Variants in GFPT2 observed in about 807,000 individuals in gnomAD.
The protein encoded by GFPT2 is glutamine--fructose-6-phosphate aminotransferase [isomerizing] 2.
GFPT2 carries 62 observed loss-of-function variants against 85.6 expected under a neutral mutation model. That is an observed-to-expected ratio of 0.72 (90% confidence interval 0.59 to 0.90). The LOEUF is 0.90. Ranked by LOEUF, GFPT2 falls within the 40% of genes least tolerant of loss-of-function variation. GFPT2 has a pLI of 0.00. For missense variants in GFPT2, 788 were observed against 893.4 expected (o/e 0.88, Z 1.50); for synonymous variants, 368 against 344.5 (o/e 1.07, Z -0.75).
At chr5:180,306,868 G>A (rs1763791329) in intron 16 of GFPT2, among the ~76,000 whole-genome samples, 1 of 152,216 alleles carries the variant, frequency 6.6e-6, no homozygotes, top group East Asian at 1.9e-4. Flanking sequence ...TGAGGTCTGA[G>A]TGAGCTGTTC....
intron 1 of GFPT2, among the ~76,000 whole-genome samples, chr5:180,345,922 G>C (rs1183327366): frequency 6.6e-6 from 1 of 152,144 alleles, no homozygotes; most frequent in Non-Finnish European, 1.5e-5. Context: ...GGTGCCACCA[G>C]AACTCTCGGT....
intron 18 of GFPT2, among the ~76,000 whole-genome samples, 172 bp downstream of exon 18, chr5:180,302,251 C>T (rs1454627014): frequency 6.6e-6 from 1 of 150,796 alleles, no homozygotes; most frequent in South Asian, 2.1e-4. Flanking sequence ...TGTGCCACTG[C>T]CCTCCAGCCT....
At position 180,301,483 on chromosome 5, in the gene GFPT2, T is replaced by C; in HGVS notation, c.*81A>G. 8.5e-7 allele frequency: 1 copy of C among 1,182,584 alleles called. No homozygotes were observed. 73.3% of individuals were successfully genotyped at this position (1,182,584 alleles called of 1,614,324 possible). On this transcript the variant is annotated 3_prime_UTR_variant, in exon 19 of 19. Transcript: ENST00000253778. Reference sequence around the variant, plus strand: ...GCAGAACATGTGGGATGTCCACTTCTCTTCCCATGTAGCATCCCTGCTGTT... The same window carrying C: ...GCAGAACATGTGGGATGTCCACTTCCCTTCCCATGTAGCATCCCTGCTGTT...
In GFPT2 at chr5:180,331,538, T is replaced by C. The variant is rs776682446; in HGVS notation, c.356A>G (p.His119Arg). The C allele has an allele frequency of 1.9e-5, 30 of 1,585,720 alleles. No homozygotes were observed. The highest frequency in any genetic ancestry group is 2.5e-5 in the Non-Finnish European group (29 of 1,154,134). Residue 119 changes from histidine (H) to arginine (R), a missense_variant, in exon 5 of 19, where the codon CAC becomes CGC. Transcript: ENST00000253778. The stretch of plus-strand genomic sequence containing the variant: ...TTTGTAATTTGTGATGATCCCATTG[T>C]GGATGACAACAAATTCTGAAAGAAA... Reference protein sequence around the residue: ...SDKGNEFVVIHNGIITNYKDL... With the variant: ...SDKGNEFVVIRNGIITNYKDL...
intron 9 of GFPT2, among the ~76,000 whole-genome samples, chr5:180,322,260 G>A (rs79787874): frequency 0.011 from 1,614 of 151,262 alleles, 23 homozygotes; most frequent in African/African-American, 0.037. Flanking sequence ...GAGTTAGTTC[G>A]AGGACAGCCT....
intron 1 of GFPT2, chr5:180,352,510 A>G (rs2127659774): frequency 2.2e-6 from 1 of 446,672 alleles, no homozygotes; most frequent in South Asian, 1.6e-5. Context: ...ACAGCGCGGG[A>G]GCGCCGCGGG....
At chr5:180,315,604 C>T (rs887248687) in intron 13 of GFPT2, among the ~76,000 whole-genome samples, 1 of 152,074 alleles carries the variant, frequency 6.6e-6, no homozygotes, top group Admixed American at 6.5e-5. Flanking sequence ...TGAGTGTGTC[C>T]GACCGGCACA....
intron 15 of GFPT2, among the ~76,000 whole-genome samples, chr5:180,307,973 G>A (rs566567934): frequency 1.5e-4 from 23 of 151,486 alleles, no homozygotes; most frequent in African/African-American, 4.1e-4. Flanking sequence ...TTAGCCGGGC[G>A]TGGTTGGGTG....
intron 1 of GFPT2, among the ~76,000 whole-genome samples, chr5:180,345,812 G>C (rs959405606): frequency 6.6e-6 from 1 of 152,188 alleles, no homozygotes; most frequent in Non-Finnish European, 1.5e-5. Context: ...GCCACGTTCA[G>C]CCAAGCATAA....
chr5:180,335,505 C>G (rs1275467115), intron 4 of GFPT2, among the ~76,000 whole-genome samples: 3 of 152,234 alleles, frequency 2.0e-5, no homozygotes, highest in South Asian at 2.1e-4. Context: ...GAACAGTGCC[C>G]AGGCCCCTCA....
intron 16 of GFPT2, among the ~76,000 whole-genome samples, chr5:180,305,194 A>G (rs1359829505): frequency 1.3e-5 from 2 of 152,140 alleles, no homozygotes; most frequent in East Asian, 3.9e-4. Context: ...AGCCCCGGGC[A>G]CTGCTGTTGT....
chr5:180,301,833 T>A lies in GFPT2; in HGVS notation c.2005-225A>T, dbSNP rs377354051. 1.8e-3 allele frequency among the ~76,000 whole-genome samples: 270 copies of A among 152,222 alleles called. 1 individual carries two copies. The highest frequency in any genetic ancestry group is 2.7e-3 in the Non-Finnish European group (185 of 68,012). ...TTTACTGTGCACCTGATGTGTGTCA[T>A]GATCTGTTAACATGATTTAAAGAAT... is the stretch of plus-strand genomic sequence containing the variant. On this transcript the variant is annotated intron_variant, in intron 18 of 18. Coordinates refer to ENST00000253778, the MANE Select transcript of GFPT2 (RefSeq NM_005110.4).
At position 180,302,863 on chromosome 5, in the gene GFPT2, C is replaced by G. The variant is rs190440922; in HGVS notation, c.1843-279G>C. ...TGCCTTGCCGAGAGCGGGGCAGACTCACTCCTAACTCTAGCGGGGCTCATA... is the reference window on the plus strand; with the variant it reads ...TGCCTTGCCGAGAGCGGGGCAGACTGACTCCTAACTCTAGCGGGGCTCATA... On this transcript the variant is annotated intron_variant, in intron 17 of 18. Coordinates refer to ENST00000253778, the MANE Select transcript of GFPT2 (RefSeq NM_005110.4). 4.9e-4 allele frequency among the ~76,000 whole-genome samples: 74 copies of G among 152,296 alleles called. 1 individual carries two copies. Among genetic ancestry groups the G allele is most frequent in the African/African-American group, 2.4e-5 (1 of 41,568 alleles).
At chr5:180,341,490 T>C (rs1226691215) in intron 1 of GFPT2, among the ~76,000 whole-genome samples, 3 of 152,216 alleles carry the variant, frequency 2.0e-5, no homozygotes, top group Non-Finnish European at 2.9e-5. Flanking sequence ...TTAATTAATC[T>C]ATAAACAGTC....
chr5:180,315,368 C>CA (rs970470507), intron 13 of GFPT2, among the ~76,000 whole-genome samples: 1 of 152,048 alleles, frequency 6.6e-6, no homozygotes, highest in Admixed American at 6.5e-5. Context: ...TTAGTAGAGA[C>CA]GGGGTTTCAC....
intron 4 of GFPT2, among the ~76,000 whole-genome samples, chr5:180,332,815 T>C (rs1236240285): frequency 2.0e-5 from 3 of 152,138 alleles, no homozygotes; most frequent in South Asian, 4.1e-4. Flanking sequence ...GCTGGGATTA[T>C]AGGCTTGAGC....
At chr5:180,352,445 C>A in intron 1 of GFPT2, 1 of 453,722 alleles carries the variant, frequency 2.2e-6, no homozygotes. Flanking sequence ...TAAAGAATTG[C>A]AGATGTGCGC....
At position 180,302,476 on chromosome 5, in the gene GFPT2, C is replaced by A; in HGVS notation, c.1951G>T (p.Val651Leu). The change falls in exon 18 of 19, where the codon GTG becomes TTG. Residue 651 changes from valine to leucine, a missense_variant. Coordinates refer to ENST00000253778, the MANE Select transcript of GFPT2 (RefSeq NM_005110.4). Reference protein sequence around the residue: ...TVDCLQGILSVIPLQLLSFHL... With the variant: ...TVDCLQGILSLIPLQLLSFHL... ...AAGGACAGCAGCTGCAGCGGAATCA[C>A]GCTCAGGATGCCCTGGAGGCAGTCC... The A allele has an allele frequency of 1.9e-6, 3 of 1,614,152 alleles. No individual in the cohort carries two copies. The highest frequency in any genetic ancestry group is 2.2e-5 in the South Asian group (2 of 91,086).
chr5:180,330,945 CA>C lies in GFPT2; in HGVS notation c.400-112del. 1.0e-6 allele frequency: 1 copy of C among 976,098 alleles called. No homozygotes were observed. Among genetic ancestry groups the C allele is most frequent in the Non-Finnish European group, 1.5e-6 (1 of 657,866 alleles). The allele number at this position is 976,098 out of a possible 1,614,324, so 60.5% of individuals were successfully genotyped here. A position where few individuals can be genotyped will look rare whatever the true frequency, so the allele number is the denominator to read the frequency against. ...CCCTTGGAGTGACTTAAGTCAAGAA[CA>C]GGGAAAACCGGGAAGGGGGGAAAAA... On this transcript the variant is annotated intron_variant, in intron 5 of 18. Coordinates refer to ENST00000253778, the MANE Select transcript of GFPT2 (RefSeq NM_005110.4). The surrounding 1 kb of genome is among the most constrained non-coding windows in gnomAD (Gnocchi z 4.4).
Sources: gnomAD v4.1 joint callset for allele counts (sites outside exome capture counted in the v4.1 genomes callset) on GRCh38, gnomAD v4.1.1 for gene constraint, Gnocchi (gnomAD v3.1) non-coding constraint, MANE v1.5 for transcripts, NCBI Gene and HGNC (gene_info 2026-07-23, HGNC 2026-07-21) for gene names.